LRBA: variants seen among roughly 807,000 people sequenced by gnomAD.
The protein encoded by LRBA is lipopolysaccharide-responsive and beige-like anchor protein.
A neutral mutation model predicts 330.0 loss-of-function variants in LRBA; 176 were observed. The ratio of observed to expected loss-of-function variants is 0.53; its 90% CI spans 0.47 to 0.60. The LOEUF (loss-of-function observed/expected upper bound fraction) is 0.60, where lower values mean the gene tolerates loss of function less well. LRBA is among the 20% of genes least tolerant of loss of function. The pLI, the probability that LRBA is intolerant of heterozygous loss-of-function variation, is 0.00. For missense variants in LRBA, 3,259 were observed against 3,444.8 expected, an observed-to-expected ratio of 0.95 and a Z score of 1.35; for synonymous variants, 1,230 against 1,193.0, an observed-to-expected ratio of 1.03 and a Z score of -0.64.
intron 37 of LRBA, among the ~76,000 whole-genome samples, chr4:150,636,767 C>A (rs72736356): frequency 1.4e-4 from 22 of 152,184 alleles, no homozygotes; most frequent in African/African-American, 5.3e-4. Flanking sequence ...TCTGCCTCAG[C>A]CTCCCAAGTA....
intron 2 of LRBA, among the ~76,000 whole-genome samples, chr4:151,003,844 C>T (rs1180787516): frequency 6.6e-6 from 1 of 151,274 alleles, no homozygotes; most frequent in South Asian, 2.1e-4. Flanking sequence ...ACAGAATAGA[C>T]AGACAATCCA....
intron 46 of LRBA, among the ~76,000 whole-genome samples, chr4:150,419,800 G>T (rs910580687): frequency 6.6e-6 from 1 of 151,190 alleles, no homozygotes; most frequent in Non-Finnish European, 1.5e-5. Flanking sequence ...ACCATACCAG[G>T]TTAATTTTTG....
Position 150,921,400 on chromosome 4 carries a change from G to GCATAGCTAAAAGCATAGAAAATGCTAT in LRBA, c.550-108_550-107insATAGCATTTTCTATGCTTTTAGCTATG, listed in dbSNP as rs1733248450. Reference sequence around the variant, plus strand: ...AATATATACAGGAATAATGCTATAAGGTTAAAAGCATAGAAAATAATTTCT... The same window carrying GCATAGCTAAAAGCATAGAAAATGCTAT: ...AATATATACAGGAATAATGCTATAAGCATAGCTAAAAGCATAGAAAATGCTATGTTAAAAGCATAGAAAATAATTTCT... On this transcript the variant is annotated intron_variant, in intron 4 of 56. Transcript: ENST00000651943. 2.4e-5 allele frequency: 16 copies of GCATAGCTAAAAGCATAGAAAATGCTAT among 678,520 alleles called. No individual in the cohort carries two copies. In the South Asian group the frequency reaches 2.8e-4, roughly 12 times the overall value. 42.0% of individuals were successfully genotyped at this position (678,520 alleles called of 1,614,324 possible).
chr4:150,352,353 CA>C (rs965084164), intron 47 of LRBA, among the ~76,000 whole-genome samples: 139 of 151,630 alleles, frequency 9.2e-4, no homozygotes, highest in African/African-American at 3.2e-3. Context: ...TAGCTAAATA[CA>C]AAAAAAATTT....
At chr4:150,460,411 A>G (rs182117814) in intron 44 of LRBA, among the ~76,000 whole-genome samples, 89 of 151,932 alleles carry the variant, frequency 5.9e-4, no homozygotes, top group Non-Finnish European at 2.8e-4. Flanking sequence ...ATGAATAACA[A>G]ATTCACTATG....
At chr4:150,840,965 C>A in intron 28 of LRBA, 1 of 1,223,402 alleles carries the variant, frequency 8.2e-7, no homozygotes. Flanking sequence ...TGAACATATC[C>A]ACTTGATGCA....
At chr4:150,343,294 C>A (rs529990464) in intron 48 of LRBA, among the ~76,000 whole-genome samples, 1 of 152,298 alleles carries the variant, frequency 6.6e-6, no homozygotes, top group South Asian at 2.1e-4. Flanking sequence ...TCCCTTCTAA[C>A]AGTTCTCCAC....
intron 47 of LRBA, among the ~76,000 whole-genome samples, chr4:150,385,734 G>A (rs1028924936): frequency 2.6e-5 from 4 of 152,104 alleles, no homozygotes; most frequent in Admixed American, 6.5e-5. Context: ...AGTGCCTGGT[G>A]TCTGTGGAAA....
chr4:150,763,268 T>A (rs1233268526), intron 34 of LRBA, among the ~76,000 whole-genome samples: 1 of 152,024 alleles, frequency 6.6e-6, no homozygotes, highest in Non-Finnish European at 1.5e-5. Flanking sequence ...ACTAACAGAA[T>A]ATATCCTTAG....
At chr4:150,838,746 C>T (rs1210796378) in intron 28 of LRBA, among the ~76,000 whole-genome samples, 2 of 152,124 alleles carry the variant, frequency 1.3e-5, no homozygotes, top group Non-Finnish European at 2.9e-5. Context: ...AAACTTCCTC[C>T]TTTAGCTCAG....
chr4:150,272,156 A>G (rs193130157), intron 56 of LRBA, among the ~76,000 whole-genome samples: 1 of 152,310 alleles, frequency 6.6e-6, no homozygotes, highest in African/African-American at 2.4e-5. Flanking sequence ...GCTGTTCTGT[A>G]GCCTCCACTG....
chr4:150,857,177 T>C (rs2126941080), intron 22 of LRBA, among the ~76,000 whole-genome samples: 1 of 152,284 alleles, frequency 6.6e-6, no homozygotes, highest in East Asian at 1.9e-4. Flanking sequence ...AAATAAGATA[T>C]ATCTTTAAAA....
intron 34 of LRBA, among the ~76,000 whole-genome samples, chr4:150,794,794 T>G (rs965604054): frequency 6.6e-6 from 1 of 152,090 alleles, no homozygotes; most frequent in African/African-American, 2.4e-5. Context: ...GTGCTTCTAG[T>G]TTTTCTATAT....
rs183087144 is a variant in LRBA at position 150,737,676 on chromosome 4, C to A, written c.5646-2310G>T. On this transcript the variant is annotated intron_variant, in intron 35 of 56. Coordinates refer to ENST00000651943, the MANE Select transcript of LRBA (RefSeq NM_001364905.1). Reference sequence around the variant, plus strand: ...ATTTTTCTGAACTTTCTTTATCCACCTAAATGAAGAAGCTCCCAAAAGAAT... The same window carrying A: ...ATTTTTCTGAACTTTCTTTATCCACATAAATGAAGAAGCTCCCAAAAGAAT... Among the ~76,000 whole-genome samples the A allele has an allele frequency of 4.3e-3, 649 of 152,124 alleles. 4 individuals carry two copies. Among genetic ancestry groups the A allele is most frequent in the African/African-American group, 0.015 (628 of 41,520 alleles).
chr4:150,442,266 G>A (rs975534381), intron 44 of LRBA, among the ~76,000 whole-genome samples: 2 of 152,094 alleles, frequency 1.3e-5, no homozygotes, highest in African/African-American at 2.4e-5. Context: ...GAGATGAGAA[G>A]CAGAAAAGAT....
intron 55 of LRBA, 61 bp downstream of exon 55, chr4:150,282,389 C>T: frequency 6.8e-7 from 1 of 1,461,056 alleles, no homozygotes; most frequent in Non-Finnish European, 9.5e-7. Flanking sequence ...CCCTCTCCCT[C>T]CCCACTTGAC....
At chr4:150,618,631 A>G (rs896800886) in intron 37 of LRBA, among the ~76,000 whole-genome samples, 5 of 152,094 alleles carry the variant, frequency 3.3e-5, no homozygotes, top group African/African-American at 9.6e-5. Context: ...CTCAAGAACA[A>G]GCCAATATTT....
chr4:150,552,921 T>TC (rs1766792008), intron 40 of LRBA, among the ~76,000 whole-genome samples: 1 of 150,864 alleles, frequency 6.6e-6, no homozygotes, highest in African/African-American at 2.4e-5. Context: ...TACAAAAAAA[T>TC]AGCCTGGCAT....
chr4:150,791,119 T>C (rs1417039969), intron 34 of LRBA, among the ~76,000 whole-genome samples: 1 of 152,214 alleles, frequency 6.6e-6, no homozygotes, highest in Non-Finnish European at 1.5e-5. Flanking sequence ...ATTCTTTTCA[T>C]GGAACAATTT....
Sources: gnomAD v4.1 joint callset for allele counts (sites outside exome capture counted in the v4.1 genomes callset) on GRCh38, gnomAD v4.1.1 for gene constraint, MANE v1.5 for transcripts, NCBI Gene and HGNC (gene_info 2026-07-23, HGNC 2026-07-21) for gene names.